MYO15B: variants seen among roughly 807,000 people sequenced by gnomAD.
The protein encoded by MYO15B is myosin XVB.
Under a neutral mutation model 119.3 loss-of-function variants are expected in MYO15B, and 207 were observed. The ratio of observed to expected loss-of-function variants is 1.73; its 90% CI spans 1.55 to 1.95. The LOEUF is 1.95. Ranked by LOEUF, MYO15B falls within the 30% of genes most tolerant of loss-of-function variation. The probability of loss-of-function intolerance (pLI) is 0.00; values close to 1 mark genes in which losing one functional copy is unlikely to be tolerated. For synonymous variants in MYO15B, 966 were observed against 498.9 expected, an observed-to-expected ratio of 1.94 and a Z score of -12.48; for missense variants, 2,264 against 1,203.1, an observed-to-expected ratio of 1.88 and a Z score of -13.04.
intron 52 of MYO15B, 31 bp from the exon 53 acceptor site, chr17:75,621,973 C>A: frequency 1.4e-6 from 1 of 702,610 alleles, no homozygotes; most frequent in Non-Finnish European, 2.6e-6. Context: ...ACAGCCCCAG[C>A]TATGTGCCCT....
chr17:75,595,831 G>T (rs1324670868), intron 12 of MYO15B, among the ~76,000 whole-genome samples: 1 of 152,210 alleles, frequency 6.6e-6, no homozygotes, highest in Non-Finnish European at 1.5e-5. Flanking sequence ...CTTTACAGAG[G>T]ATCCTGCCGC....
At chr17:75,623,635 T>TG in intron 53 of MYO15B, 146 bp from the exon 54 acceptor site, 2 of 617,222 alleles carry the variant, frequency 3.2e-6, no homozygotes, top group East Asian at 5.5e-5. Context: ...AGAAAGTAAC[T>TG]GAGTAGCCAG....
rs533484710 is a variant in MYO15B at position 75,591,947 on chromosome 17, AG to A, written c.2548-27del. 1.1e-3 allele frequency: 757 copies of A among 699,062 alleles called. 1 individual carries two copies. The highest frequency in any genetic ancestry group is 1.5e-3 in the Admixed American group (74 of 49,902). The allele number at this position is 699,062 out of a possible 1,614,324, so 43.3% of individuals were successfully genotyped here. The stretch of plus-strand genomic sequence containing the variant: ...CTGCTGGTGGGGGCTACTGCTGCCC[AG>A]GGATGCTTGAACACCCCTCCCTGTA... On this transcript the variant is annotated intron_variant, in intron 5 of 63. Coordinates refer to ENST00000645453, the Ensembl canonical transcript of MYO15B.
chr17:75,621,452 C>A (rs2058705994), intron 51 of MYO15B, 44 bp downstream of exon 51: 2 of 699,044 alleles, frequency 2.9e-6, no homozygotes, highest in Admixed American at 2.0e-5. Flanking sequence ...GATCTGCCCT[C>A]TGACCCCCAC....
chr17:75,600,384 C>T (rs929660702), intron 14 of MYO15B, among the ~76,000 whole-genome samples: 3 of 151,638 alleles, frequency 2.0e-5, no homozygotes, highest in Non-Finnish European at 4.4e-5. Context: ...GACCATTCTC[C>T]CAGGAATGAT....
chr17:75,609,744 C>T (rs1460148301), intron 21 of MYO15B, among the ~76,000 whole-genome samples: 2 of 138,232 alleles, frequency 1.4e-5, no homozygotes, highest in Non-Finnish European at 3.2e-5. Flanking sequence ...CTTGGTCTGT[C>T]ACCCAGGCTG....
chr17:75,594,755 G>A (rs1269028369), exon 11 of MYO15B: 2 of 702,944 alleles, frequency 2.8e-6, no homozygotes, highest in African/African-American at 1.7e-5. Flanking sequence ...TGCCTTTGAT[G>A]CCAGGTGGCC....
chr17:75,619,160 C>T, exon 44 of MYO15B: 1 of 702,946 alleles, frequency 1.4e-6, no homozygotes, highest in South Asian at 1.5e-5. Context: ...GGGACACCTT[C>T]TCCGAGTCCT....
intron 40 of MYO15B, 40 bp downstream of exon 40, chr17:75,617,001 T>C (rs3743993): frequency 0.053 from 37,002 of 701,396 alleles, 1,131 homozygotes; most frequent in Admixed American, 0.067. Flanking sequence ...TGTGTGCTGC[T>C]GCACTGGGGA....
chr17:75,591,316 GTC>G (rs1322974164), intron 4 of MYO15B, 70 bp downstream of exon 4: 7 of 686,056 alleles, frequency 1.0e-5, no homozygotes, highest in African/African-American at 5.3e-5. Flanking sequence ...GGGGCCTGAG[GTC>G]TTCACTGGAA....
At position 75,625,144 on chromosome 17, in the gene MYO15B, G is replaced by A. The variant is rs561463273; in HGVS notation, c.8710G>A (p.Gly2904Arg). The A allele has an allele frequency of 1.1e-5, 8 of 700,874 alleles. No homozygotes were observed. The Admixed American group carries it at 1.2e-4, about 11-fold the overall frequency. The allele number at this position is 700,874 out of a possible 1,614,324, so 43.4% of individuals were successfully genotyped here. The change falls in exon 60 of 64, where the codon GGG (glycine) becomes AGG (arginine). Residue 2904 changes from glycine to arginine, a missense_variant. Coordinates refer to ENST00000645453, the Ensembl canonical transcript of MYO15B. ...ACAGGTGCTGTGGGACTACCTTCAG[G>A]GGAAGCTGCCAGTCAGCGCCAAGGC...
chr17:75,606,013 C>T lies in MYO15B; in HGVS notation c.4284C>T (p.Phe1428=), dbSNP rs1372051062. ...GGATGCAGGCTCGCATGCGTGGGTTCCAGGCCAGGTCTGCAGGCGTTGGAG... is the reference window on the plus strand; with the variant it reads ...GGATGCAGGCTCGCATGCGTGGGTTTCAGGCCAGGTCTGCAGGCGTTGGAG... Residue 1428 remains phenylalanine (F), a synonymous_variant, in exon 21 of 64, where the codon TTC becomes TTT. Coordinates refer to ENST00000645453, the Ensembl canonical transcript of MYO15B. 8.6e-6 allele frequency: 6 copies of T among 695,802 alleles called. No homozygotes were observed. The African/African-American group carries it at 8.7e-5, about 10-fold the overall frequency. The allele number at this position is 695,802 out of a possible 1,614,324, so 43.1% of individuals were successfully genotyped here.
Position 75,594,918 on chromosome 17 carries a change from AGGGGAGGGAG to A in MYO15B, c.3245_3254del (p.Gly1082AlafsTer19). 1 of 702,990 alleles carries A rather than the reference AGGGGAGGGAG, an allele frequency of 1.4e-6. No individual in the cohort carries two copies. The highest frequency in any genetic ancestry group is 2.7e-5 in the East Asian group (1 of 37,278). The allele number at this position is 702,990 out of a possible 1,614,324, so 43.5% of individuals were successfully genotyped here. ...GAACCAATGCACGGCTGGCACCACC[AGGGGAGGGAG>A]GCAGCATTGGCACCGTCACTGTCGT... is the stretch of plus-strand genomic sequence containing the variant. On this transcript the variant is annotated frameshift_variant, in exon 12 of 64. Coordinates refer to ENST00000645453, the Ensembl canonical transcript of MYO15B. LOFTEE classifies it high-confidence loss of function.
Position 75,594,773 on chromosome 17 carries a change from C to CG in MYO15B, c.3164+17dup, listed in dbSNP as rs1568123820. 2.8e-6 allele frequency: 2 copies of CG among 702,966 alleles called. No individual in the cohort carries two copies. The highest frequency in any genetic ancestry group is 5.2e-6 in the Non-Finnish European group (2 of 384,952). 43.5% of individuals were successfully genotyped at this position (702,966 alleles called of 1,614,324 possible). A position where few individuals can be genotyped will look rare whatever the true frequency, so the allele number is the denominator to read the frequency against. The stretch of plus-strand genomic sequence containing the variant: ...CTTTGATGCCAGGTGGCCCTAGAGA[C>CG]GGGTGAGAGTCAGAGCAGGGCCCGA... On this transcript the variant is annotated intron_variant, in intron 11 of 63. Transcript: ENST00000645453.
chr17:75,623,950 G>T lies in MYO15B; in HGVS notation c.8158G>T (p.Glu2720Ter), dbSNP rs564513969. Residue 2720 changes from glutamate to a stop codon, truncating the protein, a stop_gained and splice_region_variant, in exon 55 of 64, where the codon GAA (glutamate) becomes TAA (stop). Coordinates refer to ENST00000645453, the Ensembl canonical transcript of MYO15B. LOFTEE classifies it high-confidence loss of function. ...AAGCCCGAGCGCTCTGCCCTGCAGG[G>T]AACACTGCACTCGAGGCTGGAGCTT... The T allele has an allele frequency of 4.3e-6, 3 of 703,012 alleles. No homozygotes were observed. In the South Asian group the frequency reaches 4.4e-5, roughly 10 times the overall value. The allele number at this position is 703,012 out of a possible 1,614,324, so 43.5% of individuals were successfully genotyped here.
At chr17:75,592,800 C>T (rs1452343095) in exon 9 of MYO15B, 3 of 702,582 alleles carry the variant, frequency 4.3e-6, no homozygotes, top group Non-Finnish European at 5.2e-6. Context: ...GTGCTGGCCG[C>T]CATCCTGCAG....
chr17:75,626,568 G>A (rs2059082536), exon 64 of MYO15B: 1 of 696,270 alleles, frequency 1.4e-6, no homozygotes, highest in Non-Finnish European at 2.6e-6. Flanking sequence ...GATGCTATCA[G>A]ATCACTGTTC....
intron 14 of MYO15B, 146 bp from the exon 15 acceptor site, chr17:75,601,292 G>T: frequency 1.7e-6 from 1 of 583,144 alleles, no homozygotes; most frequent in Non-Finnish European, 3.1e-6. Context: ...GACCACCTCG[G>T]CCTCCCAAAG....
chr17:75,594,051 C>G (rs1442525428), intron 9 of MYO15B, among the ~76,000 whole-genome samples: 1 of 141,402 alleles, frequency 7.1e-6, no homozygotes, highest in Non-Finnish European at 1.5e-5. Context: ...GATCGTGCCA[C>G]TGCATTCAGG....
Sources: allele counts gnomAD v4.1 joint callset (sites outside exome capture counted in the v4.1 genomes callset), GRCh38; gene constraint gnomAD v4.1.1; transcripts MANE v1.5; gene names NCBI Gene and HGNC (gene_info 2026-07-23, HGNC 2026-07-21).